The following PCDHA8 variants were observed in gnomAD, a reference collection of about 807,000 sequenced individuals.
PCDHA8 encodes protocadherin alpha 8.
In PCDHA8, 53 loss-of-function variants were observed where a neutral mutation model predicts 61.8. The ratio of observed to expected loss-of-function variants is 0.86; its 90% CI spans 0.69 to 1.08. The LOEUF (loss-of-function observed/expected upper bound fraction) is 1.08. PCDHA8 is among the 50% of genes least tolerant of loss of function. PCDHA8 has a pLI of 0.00. For synonymous variants in PCDHA8, 618 were observed against 556.6 expected (o/e 1.11, Z -1.55); for missense variants, 1,293 against 1,245.0 (o/e 1.04, Z -0.58).
chr5:140,970,141 G>T, intron 1 of PCDHA8, among the ~76,000 whole-genome samples: 1 of 152,166 alleles, frequency 6.6e-6, no homozygotes, highest in East Asian at 1.9e-4. Context: ...AAGGGAAAAA[G>T]AATTCTCCCA....
At chr5:140,853,910 T>G (rs2042903621) in intron 1 of PCDHA8, 1 of 948,962 alleles carries the variant, frequency 1.1e-6, no homozygotes, top group Non-Finnish European at 1.3e-6. Context: ...GCCTGACACC[T>G]GCAATCCCAA....
At chr5:140,870,132 C>T (rs371110623) in intron 1 of PCDHA8, 43 of 1,613,852 alleles carry the variant, frequency 2.7e-5, no homozygotes, top group East Asian at 4.5e-5. Context: ...TGGACACCAA[C>T]GATAACTCTC....
At chr5:140,883,686 A>T in intron 1 of PCDHA8, 1 of 1,613,782 alleles carries the variant, frequency 6.2e-7, no homozygotes, top group South Asian at 1.1e-5. Context: ...CCGGGCTGCC[A>T]CATCTTCACG....
At chr5:140,973,004 G>A (rs1183511655) in intron 1 of PCDHA8, among the ~76,000 whole-genome samples, 4 of 152,096 alleles carry the variant, frequency 2.6e-5, no homozygotes, top group African/African-American at 9.7e-5. Flanking sequence ...ATTTGTGGTC[G>A]TGGTGTTGTG....
chr5:140,948,096 T>C (rs550126735), intron 1 of PCDHA8, among the ~76,000 whole-genome samples: 1 of 151,754 alleles, frequency 6.6e-6, no homozygotes, highest in East Asian at 1.9e-4. Flanking sequence ...TATGAGCATA[T>C]GATTTTTCTT....
chr5:140,928,132 C>T (rs1563101702), intron 1 of PCDHA8: 1 of 1,614,100 alleles, frequency 6.2e-7, no homozygotes, highest in Non-Finnish European at 8.5e-7. Flanking sequence ...ATACCAAGTC[C>T]TGATCACGGC....
intron 1 of PCDHA8, among the ~76,000 whole-genome samples, chr5:140,956,861 A>T (rs2095316106): frequency 6.6e-6 from 1 of 152,194 alleles, no homozygotes; most frequent in Non-Finnish European, 1.5e-5. Flanking sequence ...TGGTTGAATG[A>T]ATGTGTGAAA....
In PCDHA8 at chr5:140,853,628, A is replaced by G. The variant is rs782528140; in HGVS notation, c.2394+9913A>G. ...GGGGTGCTGTAAATAAGTATACAAG[A>G]TCACAGACCTAAATTGAGCCTGTTC... On this transcript the variant is annotated intron_variant, in intron 1 of 3. Transcript: ENST00000531613. The G allele has an allele frequency of 2.2e-5, 22 of 988,404 alleles. 3 individuals are homozygous for G. The highest frequency in any genetic ancestry group is 2.6e-5 in the Non-Finnish European group (21 of 820,488). The allele number at this position is 988,404 out of a possible 1,614,324, so 61.2% of individuals were successfully genotyped here.
intron 3 of PCDHA8, 40 bp downstream of exon 3, chr5:140,982,603 G>A: frequency 6.2e-7 from 1 of 1,607,892 alleles, no homozygotes; most frequent in East Asian, 2.2e-5. Context: ...TTGGTTTCTG[G>A]AAAGTGATCA....
rs2098421123 is a variant in PCDHA8, at chr5:141,011,585, A to G, written c.*1648A>G. 6.5e-6 allele frequency: 1 copy of G among 153,746 alleles called. No individual in the cohort carries two copies. The highest frequency in any genetic ancestry group is 1.5e-5 in the Non-Finnish European group (1 of 68,036). 9.5% of individuals were successfully genotyped at this position (153,746 alleles called of 1,614,324 possible). ...TAAAATTTCTTTCTTAAATCAAGAT[A>G]CTGGTGATTCAAGGAATTTTATTTA... On this transcript the variant is annotated 3_prime_UTR_variant, in exon 4 of 4. Coordinates refer to ENST00000531613, the MANE Select transcript of PCDHA8 (RefSeq NM_018911.3).
intron 1 of PCDHA8, among the ~76,000 whole-genome samples, chr5:140,914,132 T>G (rs1554196213): frequency 6.6e-6 from 1 of 152,152 alleles, no homozygotes; most frequent in Non-Finnish European, 1.5e-5. Context: ...CTTTGTTGAG[T>G]TTTTGTCTGT....
At position 141,010,305 on chromosome 5, in the gene PCDHA8, G is replaced by GT; in HGVS notation, c.*372dup. 1 of 1,548,478 alleles carries GT rather than the reference G, an allele frequency of 6.5e-7. No homozygotes were observed. Among genetic ancestry groups the GT allele is most frequent in the Non-Finnish European group, 8.7e-7 (1 of 1,146,036 alleles). On this transcript the variant is annotated 3_prime_UTR_variant, in exon 4 of 4. Transcript: ENST00000531613. ...TGACACTTGCAGGGCAGGCTGAAAAGTTTTGAGATTGAGCAGCTTGGGAGT... is the reference window on the plus strand; with the variant it reads ...TGACACTTGCAGGGCAGGCTGAAAAGTTTTTGAGATTGAGCAGCTTGGGAGT...
chr5:140,890,788 T>C (rs892426818), intron 1 of PCDHA8, among the ~76,000 whole-genome samples: 1 of 152,222 alleles, frequency 6.6e-6, no homozygotes, highest in Non-Finnish European at 1.5e-5. Flanking sequence ...AAGATATTAG[T>C]ATTATTTTAT....
At chr5:140,986,437 G>A (rs1554248053) in intron 3 of PCDHA8, among the ~76,000 whole-genome samples, 2 of 152,182 alleles carry the variant, frequency 1.3e-5, no homozygotes, top group Admixed American at 6.5e-5. Flanking sequence ...GAGTACTAAT[G>A]CCCTGAAGAG....
intron 1 of PCDHA8, among the ~76,000 whole-genome samples, chr5:140,957,852 A>ATT (rs5871756): frequency 1.3e-5 from 2 of 151,656 alleles, no homozygotes; most frequent in East Asian, 1.9e-4. Flanking sequence ...GAGTTTGTGT[A>ATT]TTTTTTTTCC....
chr5:140,920,745 G>T (rs2079798907), intron 1 of PCDHA8, among the ~76,000 whole-genome samples: 1 of 151,878 alleles, frequency 6.6e-6, no homozygotes, highest in Admixed American at 6.6e-5. Flanking sequence ...TCAGGAGGCT[G>T]AGGCAGGAGA....
rs1554262627 is a variant in PCDHA8 at position 141,009,982 on chromosome 5, T to C, written c.*45T>C. On this transcript the variant is annotated 3_prime_UTR_variant, in exon 4 of 4. Transcript: ENST00000531613. ...GCCACTTAGCCAGTTTTTGTAATAA[T>C]GGCAAATCTCTCCCATGTAGCAATT... 1 of 1,582,572 alleles carries C rather than the reference T, an allele frequency of 6.3e-7. No homozygotes were observed. Among genetic ancestry groups the C allele is most frequent in the East Asian group, 2.2e-5 (1 of 44,666 alleles).
At chr5:140,978,800 TATC>T (rs1193658453) in intron 1 of PCDHA8, 146 bp from the exon 2 acceptor site, 56 of 1,480,550 alleles carry the variant, frequency 3.8e-5, no homozygotes, top group Admixed American at 1.1e-4. Context: ...TATATGTAGA[TATC>T]ATCATAGAGT....
At chr5:140,954,119 C>T (rs547590061) in intron 1 of PCDHA8, among the ~76,000 whole-genome samples, 2 of 152,156 alleles carry the variant, frequency 1.3e-5, no homozygotes, top group African/African-American at 4.8e-5. Flanking sequence ...AGATCTTGTT[C>T]CTTTTTATGG....
Sources: allele counts gnomAD v4.1 joint callset (sites outside exome capture counted in the v4.1 genomes callset), GRCh38; gene constraint gnomAD v4.1.1; transcripts MANE v1.5; gene names NCBI Gene and HGNC (gene_info 2026-07-23, HGNC 2026-07-21).